The following ZNF738 variants were observed in gnomAD, a reference collection of about 807,000 sequenced individuals.
The protein encoded by ZNF738 is protein ZNF738.
In ZNF738, 10 loss-of-function variants were observed where a neutral mutation model predicts 9.2. The ratio of observed to expected loss-of-function variants is 1.09; its 90% CI spans 0.67 to 1.85. The LOEUF is 1.85. ZNF738 is among the 40% of genes most tolerant of loss of function. The pLI, the probability that ZNF738 is intolerant of heterozygous loss-of-function variation, is 0.00. For missense variants in ZNF738, 346 were observed against 283.6 expected (o/e 1.22, Z -1.58); for synonymous variants, 113 against 94.5 (o/e 1.20, Z -1.14).
intron 1 of ZNF738, chr19:21,360,505 G>GT (rs1392105870): frequency 6.5e-6 from 1 of 152,970 alleles, no homozygotes; most frequent in African/African-American, 2.4e-5. Context: ...CCAGGCTGGA[G>GT]TGCAATGGCG....
intron 4 of ZNF738, chr19:21,378,298 T>A (rs967588455): frequency 1.8e-5 from 5 of 273,822 alleles, no homozygotes; most frequent in Non-Finnish European, 2.7e-5. Context: ...TGTGCGTATC[T>A]TTCCCAGAAA....
intron 4 of ZNF738, among the ~76,000 whole-genome samples, chr19:21,382,416 T>C (rs1220703003): frequency 6.6e-6 from 1 of 152,026 alleles, no homozygotes; most frequent in Non-Finnish European, 1.5e-5. Flanking sequence ...TTTTTATATT[T>C]GTAGTAGAGA....
At chr19:21,364,912 ATTTTTTTTTT>A (rs71176864) in intron 2 of ZNF738, among the ~76,000 whole-genome samples, 17 of 99,246 alleles carry the variant, frequency 1.7e-4, no homozygotes, top group Non-Finnish European at 2.6e-4. Context: ...TACCCAGCTA[ATTTTTTTTTT>A]TTTTTTTTTT....
At chr19:21,364,912 ATTTTTTTTTTTT>A (rs71176864) in intron 2 of ZNF738, among the ~76,000 whole-genome samples, 1 of 99,244 alleles carries the variant, frequency 1.0e-5, no homozygotes, top group Non-Finnish European at 2.0e-5. Context: ...TACCCAGCTA[ATTTTTTTTTTTT>A]TTTTTTTTTT....
intron 4 of ZNF738, among the ~76,000 whole-genome samples, chr19:21,377,053 A>T (rs1012470135): frequency 6.7e-6 from 1 of 149,404 alleles, no homozygotes; most frequent in Non-Finnish European, 1.5e-5. Context: ...CATGCCTGTA[A>T]TCCCAACACT....
chr19:21,385,654 A>G lies in ZNF738; in HGVS notation c.*1980A>G, dbSNP rs990469290. Reference sequence around the variant, plus strand: ...CTGGTACTCATGCCTTACTGCACATAAGATAATTCATACTGGAGAGAAACT... The same window carrying G: ...CTGGTACTCATGCCTTACTGCACATGAGATAATTCATACTGGAGAGAAACT... On this transcript the variant is annotated 3_prime_UTR_variant, in exon 5 of 5. Coordinates refer to ENST00000683779, the MANE Select transcript of ZNF738 (RefSeq NM_001355237.2). Among the ~76,000 whole-genome samples, 4 of 152,184 alleles carry G rather than the reference A, an allele frequency of 2.6e-5. No homozygotes were observed. Among genetic ancestry groups the G allele is most frequent in the Admixed American group, 6.5e-5 (1 of 15,274 alleles).
intron 2 of ZNF738, chr19:21,371,842 C>G (rs1188836969): frequency 6.6e-6 from 1 of 152,106 alleles, no homozygotes; most frequent in Non-Finnish European, 1.5e-5. Flanking sequence ...TCCTAGAAAA[C>G]TTTAAAAGAT....
At chr19:21,365,750 A>G (rs1384613517) in intron 2 of ZNF738, among the ~76,000 whole-genome samples, 2 of 152,056 alleles carry the variant, frequency 1.3e-5, no homozygotes, top group African/African-American at 4.8e-5. Context: ...TGAGGTCAGG[A>G]GTTCAAGACC....
At chr19:21,370,121 G>A (rs963033585) in intron 2 of ZNF738, among the ~76,000 whole-genome samples, 10 of 152,096 alleles carry the variant, frequency 6.6e-5, no homozygotes, top group African/African-American at 2.4e-4. Flanking sequence ...ATGGTTGAAA[G>A]CTTTTTAAAC....
intron 2 of ZNF738, among the ~76,000 whole-genome samples, chr19:21,373,093 A>G (rs1171917283): frequency 6.6e-6 from 1 of 152,184 alleles, no homozygotes; most frequent in Non-Finnish European, 1.5e-5. Context: ...TGAAACACCC[A>G]TCCATGGACC....
At position 21,383,310 on chromosome 19, in the gene ZNF738, C is replaced by T. The variant is rs1974028260; in HGVS notation, c.764C>T (p.Thr255Ile). 6 of 1,493,748 alleles carry T rather than the reference C, an allele frequency of 4.0e-6. No individual in the cohort carries two copies. Among genetic ancestry groups the T allele is most frequent in the Non-Finnish European group, 5.5e-6 (6 of 1,084,462 alleles). 92.5% of individuals were successfully genotyped at this position (1,493,748 alleles called of 1,614,324 possible). ...STLTRHKRIH[T>I]GDKSYKHEEC... ...CTTACTAGACACAAGAGAATTCATA[C>T]TGGAGACAAATCCTACAAACATGAA... The change falls in exon 5 of 5, where the codon ACT becomes ATT. Residue 255 changes from threonine (T) to isoleucine (I), a missense_variant. Physicochemically the swap from Thr to Ile is moderately conservative, Grantham distance 89. Transcript: ENST00000683779.
intron 2 of ZNF738, among the ~76,000 whole-genome samples, chr19:21,365,522 A>T (rs1973764614): frequency 6.6e-6 from 1 of 152,110 alleles, no homozygotes; most frequent in Admixed American, 6.5e-5. Context: ...AGGGGCGATG[A>T]TATTCTTGCT....
At chr19:21,375,799 T>C in intron 3 of ZNF738, 70 bp from the exon 4 acceptor site, 1 of 679,094 alleles carries the variant, frequency 1.5e-6, no homozygotes, top group Non-Finnish European at 2.7e-6. Flanking sequence ...TCCTCTTTAC[T>C]AAGCACAGTA....
chr19:21,366,291 T>C (rs1273929818), intron 2 of ZNF738, among the ~76,000 whole-genome samples: 1 of 152,180 alleles, frequency 6.6e-6, no homozygotes, highest in African/African-American at 2.4e-5. Flanking sequence ...ATAACCTTCC[T>C]AAGTTGGGTC....
rs1974026685 is a variant in ZNF738 at position 21,383,219 on chromosome 19, A to G, written c.673A>G (p.Ile225Val). 1 of 1,597,342 alleles carries G rather than the reference A, an allele frequency of 6.3e-7. No individual in the cohort carries two copies. The highest frequency in any genetic ancestry group is 1.3e-5 in the African/African-American group (1 of 74,570). Residue 225 changes from isoleucine (I) to valine (V), a missense_variant, in exon 5 of 5, where the codon ATT becomes GTT. By Grantham distance (29) the Ile-to-Val change is conservative (BLOSUM62 3). Coordinates refer to ENST00000683779, the MANE Select transcript of ZNF738 (RefSeq NM_001355237.2). ...TTTACACCTAGGTCAACATAAAATA[A>G]TTCATATTAGAGAGAATTCTTACCA... Reference protein sequence around the residue: ...MLLHLGQHKIIHIRENSYQCE... With the variant: ...MLLHLGQHKIVHIRENSYQCE...
chr19:21,360,781 C>T (rs544749973), intron 1 of ZNF738, among the ~76,000 whole-genome samples: 1 of 150,206 alleles, frequency 6.7e-6, no homozygotes, highest in Non-Finnish European at 1.5e-5. Flanking sequence ...CTTTTTTATA[C>T]CGTATTTTAA....
intron 4 of ZNF738, chr19:21,377,821 T>C (rs1021269592): frequency 2.2e-5 from 8 of 366,298 alleles, no homozygotes; most frequent in African/African-American, 1.5e-4. Flanking sequence ...TAAATAAATT[T>C]CTTTATTGAA....
At chr19:21,365,828 G>A (rs538946836) in intron 2 of ZNF738, among the ~76,000 whole-genome samples, 2 of 151,882 alleles carry the variant, frequency 1.3e-5, no homozygotes, top group African/African-American at 4.8e-5. Context: ...ATGGTAGGGC[G>A]CGCCTATAAT....
At position 21,384,680 on chromosome 19, in the gene ZNF738, A is replaced by T. The variant is rs1011201591; in HGVS notation, c.*1006A>T. Among the ~76,000 whole-genome samples the T allele has an allele frequency of 2.6e-5, 4 of 152,214 alleles. No homozygotes were observed. Among genetic ancestry groups the T allele is most frequent in the African/African-American group, 9.6e-5 (4 of 41,456 alleles). ...GAGAGAAACCCTACAAATGTGAAGA[A>T]TGTGGAAAAGCTTTTAACCAGTCCT... is the stretch of plus-strand genomic sequence containing the variant. On this transcript the variant is annotated 3_prime_UTR_variant, in exon 5 of 5. Transcript: ENST00000683779.
Sources: allele counts gnomAD v4.1 joint callset (sites outside exome capture counted in the v4.1 genomes callset), GRCh38; gene constraint gnomAD v4.1.1; transcripts MANE v1.5; gene names NCBI Gene and HGNC (gene_info 2026-07-23, HGNC 2026-07-21).